PCDH15: variants seen among roughly 807,000 people sequenced by gnomAD.
PCDH15 encodes protocadherin-15.
PCDH15 carries 129 observed loss-of-function variants against 178.5 expected under a neutral mutation model. The observed-to-expected ratio is 0.72, with a 90% CI of 0.63 to 0.84. The LOEUF is 0.84. Among genes scored for constraint, PCDH15 ranks in the 40% least tolerant of loss-of-function variants. The probability of loss-of-function intolerance (pLI) is 0.00; values close to 1 mark genes in which losing one functional copy is unlikely to be tolerated. For missense variants in PCDH15, 2,230 were observed against 2,099.9 expected, an observed-to-expected ratio of 1.06 and a Z score of -1.21; for synonymous variants, 800 against 732.0, an observed-to-expected ratio of 1.09 and a Z score of -1.50.
intron 2 of PCDH15, among the ~76,000 whole-genome samples, chr10:54,631,850 A>T (rs112714042): frequency 6.6e-6 from 1 of 152,104 alleles, no homozygotes; most frequent in Non-Finnish European, 1.5e-5. Flanking sequence ...ATACACTTAT[A>T]AAACCATCAG....
chr10:55,563,574 T>C (rs978977203), intron 2 of PCDH15, among the ~76,000 whole-genome samples: 2 of 151,460 alleles, frequency 1.3e-5, no homozygotes, highest in Non-Finnish European at 2.9e-5. Context: ...TTTCAACAAA[T>C]AATCACGAGG....
At chr10:54,699,904 T>G (rs1716164571) in intron 1 of PCDH15, among the ~76,000 whole-genome samples, 1 of 152,088 alleles carries the variant, frequency 6.6e-6, no homozygotes, top group African/African-American at 2.4e-5. Context: ...AATGAACATA[T>G]GAAAATCAGC....
At chr10:55,446,020 G>T (rs1277621913) in intron 2 of PCDH15, among the ~76,000 whole-genome samples, 1 of 152,114 alleles carries the variant, frequency 6.6e-6, no homozygotes, top group Non-Finnish European at 1.5e-5. Flanking sequence ...GGCACACATT[G>T]CTTCTGTTCA....
At chr10:54,921,496 C>CTGG (rs1399442180) in intron 2 of PCDH15, among the ~76,000 whole-genome samples, 1 of 152,030 alleles carries the variant, frequency 6.6e-6, no homozygotes, top group Non-Finnish European at 1.5e-5. Context: ...CCTCCTTTCT[C>CTGG]TGGTAGGACC....
At chr10:55,522,509 C>T (rs569285134) in intron 2 of PCDH15, among the ~76,000 whole-genome samples, 184 of 151,672 alleles carry the variant, frequency 1.2e-3, no homozygotes, top group African/African-American at 3.6e-3. Flanking sequence ...ATGTTGAGGG[C>T]GTATATACTT....
rs1591882253 is a variant in PCDH15, at chr10:55,075,442, A to G, written c.-80+91134T>C. The stretch of plus-strand genomic sequence containing the variant: ...GTGCAGTGGTGCAATCTCAGCTCAC[A>G]GCAACCTCTGCCTCCCGGGTTCAAG... On this transcript the variant is annotated intron_variant, in intron 2 of 5. Coordinates refer to the PCDH15 transcript ENST00000458638. Among the ~76,000 whole-genome samples the G allele has an allele frequency of 4.0e-5, 6 of 148,274 alleles. No individual in the cohort carries two copies. In the Admixed American group the frequency reaches 4.1e-4, roughly 10 times the overall value.
At chr10:54,466,051 T>A (rs554431083) in intron 3 of PCDH15, among the ~76,000 whole-genome samples, 2 of 152,058 alleles carry the variant, frequency 1.3e-5, no homozygotes. Context: ...ATTTTGAGAA[T>A]GTCTAGTGCC....
intron 14 of PCDH15, among the ~76,000 whole-genome samples, chr10:54,152,862 CTCTG>C (rs1187402809): frequency 1.3e-5 from 2 of 152,104 alleles, no homozygotes; most frequent in East Asian, 3.9e-4. Flanking sequence ...AAGAGCCTTT[CTCTG>C]TCTGCAGCCT....
At chr10:54,165,575 C>A (rs940455259) in intron 13 of PCDH15, among the ~76,000 whole-genome samples, 1 of 152,082 alleles carries the variant, frequency 6.6e-6, no homozygotes, top group African/African-American at 2.4e-5. Context: ...GAAACTGGAA[C>A]CTTAAGTGCT....
chr10:54,699,782 G>C (rs765609510), intron 1 of PCDH15, among the ~76,000 whole-genome samples: 20 of 151,480 alleles, frequency 1.3e-4, no homozygotes, highest in Admixed American at 6.6e-4. Context: ...ACATTATTTA[G>C]CATCTCAGTA....
intron 2 of PCDH15, among the ~76,000 whole-genome samples, chr10:55,345,977 A>C (rs1844743220): frequency 6.6e-6 from 1 of 152,134 alleles, no homozygotes; most frequent in African/African-American, 2.4e-5. Flanking sequence ...CTGGTAAGTA[A>C]GGATGGTATA....
At chr10:54,011,090 C>T (rs989684760) in intron 20 of PCDH15, among the ~76,000 whole-genome samples, 1 of 150,680 alleles carries the variant, frequency 6.6e-6, no homozygotes, top group African/African-American at 2.4e-5. Context: ...CTTTACCCAG[C>T]TCAGGCCAGC....
chr10:53,812,772 G>A (rs902127989), intron 35 of PCDH15, among the ~76,000 whole-genome samples: 1 of 152,086 alleles, frequency 6.6e-6, no homozygotes, highest in East Asian at 1.9e-4. Flanking sequence ...TTTCGCAATG[G>A]AATACGAGAA....
chr10:55,107,638 C>T (rs754911035), intron 2 of PCDH15, among the ~76,000 whole-genome samples: 35 of 151,474 alleles, frequency 2.3e-4, no homozygotes, highest in Non-Finnish European at 4.6e-4. Flanking sequence ...ATTGCAGGTG[C>T]GCACCACCAT....
chr10:54,282,165 T>C (rs1297441268), intron 8 of PCDH15, among the ~76,000 whole-genome samples: 2 of 152,050 alleles, frequency 1.3e-5, no homozygotes, highest in East Asian at 3.9e-4. Context: ...TGGTTCTCAG[T>C]TTGGTTTTAA....
intron 2 of PCDH15, among the ~76,000 whole-genome samples, chr10:54,573,612 G>A (rs2090102182): frequency 1.3e-5 from 2 of 152,168 alleles, no homozygotes; most frequent in African/African-American, 4.8e-5. Context: ...GAAAAGCCAT[G>A]TAGAATACAC....
intron 3 of PCDH15, among the ~76,000 whole-genome samples, chr10:54,390,978 C>T (rs1950483755): frequency 6.6e-6 from 1 of 152,140 alleles, no homozygotes; most frequent in Non-Finnish European, 1.5e-5. Flanking sequence ...AAGTATGTTG[C>T]ATCTCTGCAA....
chr10:54,380,722 A>ATATG (rs1949115749), intron 3 of PCDH15, among the ~76,000 whole-genome samples: 1 of 106,478 alleles, frequency 9.4e-6, no homozygotes, highest in South Asian at 3.0e-4. Context: ...ATATATATAT[A>ATATG]TATATATATA....
intron 3 of PCDH15, among the ~76,000 whole-genome samples, chr10:54,394,205 C>T (rs890651910): frequency 1.3e-5 from 2 of 151,794 alleles, no homozygotes; most frequent in Non-Finnish European, 2.9e-5. Flanking sequence ...TGAATCTATT[C>T]ATTTTTACAT....
Sources: allele counts gnomAD v4.1 joint callset (sites outside exome capture counted in the v4.1 genomes callset), GRCh38; gene constraint gnomAD v4.1.1; transcripts MANE v1.5; gene names NCBI Gene and HGNC (gene_info 2026-07-23, HGNC 2026-07-21).